GRIK2: variants seen among roughly 807,000 people sequenced by gnomAD.
The protein encoded by GRIK2 is glutamate ionotropic receptor kainate type subunit 2, also known as glutamate receptor ionotropic, kainate 2.
In GRIK2, 32 loss-of-function variants were observed where a neutral mutation model predicts 100.3. The ratio of observed to expected loss-of-function variants is 0.32; its 90% CI spans 0.24 to 0.43. The LOEUF (loss-of-function observed/expected upper bound fraction) is 0.43. Among genes scored for constraint, GRIK2 ranks in the 20% least tolerant of loss-of-function variants. The pLI is 1.00. For synonymous variants in GRIK2, 417 were observed against 389.4 expected, an observed-to-expected ratio of 1.07 and a Z score of -0.83; for missense variants, 843 against 1,114.9, an observed-to-expected ratio of 0.76 and a Z score of 3.47.
intron 2 of GRIK2, among the ~76,000 whole-genome samples, chr6:101,494,049 A>C (rs962576182): frequency 6.8e-6 from 1 of 146,192 alleles, no homozygotes; most frequent in Admixed American, 7.0e-5. Flanking sequence ...TATATAAAAT[A>C]TATATGATAT....
intron 4 of GRIK2, among the ~76,000 whole-genome samples, chr6:101,658,630 C>G (rs140820822): frequency 3.8e-4 from 57 of 151,768 alleles, no homozygotes; most frequent in African/African-American, 1.2e-3. Flanking sequence ...AATCACCACT[C>G]TGTCTTCCAC....
intron 4 of GRIK2, among the ~76,000 whole-genome samples, chr6:101,653,389 C>A (rs1781903902): frequency 6.6e-6 from 1 of 151,980 alleles, no homozygotes; most frequent in Non-Finnish European, 1.5e-5. Flanking sequence ...ACTCCTCACC[C>A]CCACCCTGCG....
intron 7 of GRIK2, among the ~76,000 whole-genome samples, chr6:101,724,358 C>T (rs1774709399): frequency 6.6e-6 from 1 of 151,832 alleles, no homozygotes; most frequent in African/African-American, 2.4e-5. Flanking sequence ...TCTTCCCCTT[C>T]TGGTAGTTTC....
At chr6:101,779,962 T>A (rs1433713312) in intron 7 of GRIK2, among the ~76,000 whole-genome samples, 1 of 152,202 alleles carries the variant, frequency 6.6e-6, no homozygotes, top group Non-Finnish European at 1.5e-5. Context: ...CAACCCCTGC[T>A]TAGCTTTTGT....
chr6:101,975,937 A>T (rs1254149125), intron 14 of GRIK2, among the ~76,000 whole-genome samples: 3 of 151,938 alleles, frequency 2.0e-5, no homozygotes, highest in Non-Finnish European at 4.4e-5. Flanking sequence ...GAAGAGATTT[A>T]AAAACTATAA....
chr6:101,428,846 A>C (rs754212710), intron 2 of GRIK2, among the ~76,000 whole-genome samples: 1 of 152,150 alleles, frequency 6.6e-6, no homozygotes, highest in Non-Finnish European at 1.5e-5. Context: ...TTCTGCTCAC[A>C]TCCCTGTCTT....
intron 11 of GRIK2, among the ~76,000 whole-genome samples, chr6:101,883,950 G>A (rs1366414810): frequency 1.3e-5 from 2 of 152,146 alleles, no homozygotes; most frequent in African/African-American, 4.8e-5. Flanking sequence ...AATCTGGTAT[G>A]TGTTTTAGAA....
intron 12 of GRIK2, among the ~76,000 whole-genome samples, chr6:101,891,210 T>A (rs1438281255): frequency 6.6e-6 from 1 of 152,068 alleles, no homozygotes; most frequent in East Asian, 1.9e-4. Context: ...AAAATTGATT[T>A]AAATCAATTA....
intron 14 of GRIK2, among the ~76,000 whole-genome samples, chr6:102,031,127 A>C (rs1441964442): frequency 1.6e-4 from 9 of 57,752 alleles, no homozygotes; most frequent in East Asian, 4.9e-4. Context: ...ACACACACAC[A>C]CCCCCTTTGA....
intron 1 of GRIK2, among the ~76,000 whole-genome samples, chr6:101,396,564 C>T (rs889806411): frequency 3.9e-5 from 6 of 152,060 alleles, no homozygotes; most frequent in Non-Finnish European, 1.5e-5. Flanking sequence ...CAAGCAATTG[C>T]ACTGAAAAAT....
At chr6:101,940,851 A>G (rs1310800623) in intron 14 of GRIK2, among the ~76,000 whole-genome samples, 2 of 152,202 alleles carry the variant, frequency 1.3e-5, no homozygotes, top group African/African-American at 2.4e-5. Flanking sequence ...GAGGAGTAAA[A>G]TATGAAATTT....
At chr6:101,726,661 A>G (rs1774892131) in intron 7 of GRIK2, among the ~76,000 whole-genome samples, 1 of 152,062 alleles carries the variant, frequency 6.6e-6, no homozygotes, top group Non-Finnish European at 1.5e-5. Flanking sequence ...ATATTTGAAC[A>G]ATGTATATTA....
intron 14 of GRIK2, among the ~76,000 whole-genome samples, chr6:102,027,253 G>T (rs1401435364): frequency 6.6e-6 from 1 of 151,172 alleles, no homozygotes; most frequent in Non-Finnish European, 1.5e-5. Flanking sequence ...AATTTACATT[G>T]TTAATTTTAA....
chr6:101,760,597 A>G (rs1777519816), intron 7 of GRIK2, among the ~76,000 whole-genome samples: 3 of 94,208 alleles, frequency 3.2e-5, no homozygotes, highest in South Asian at 6.4e-4. Flanking sequence ...ATTATATATA[A>G]TTATATATAA....
chr6:101,929,653 G>A (rs6931111), intron 14 of GRIK2, among the ~76,000 whole-genome samples: 1,988 of 152,010 alleles, frequency 0.013, 50 homozygotes, highest in African/African-American at 0.046. Context: ...ACTGAATTTG[G>A]TTTTATGTGA....
In GRIK2 at chr6:102,068,378, TGAG is replaced by T. The variant is rs1473665239; in HGVS notation, c.2597_2599del (p.Arg866del). On this transcript the variant is annotated inframe_deletion, in exon 17 of 17. Coordinates refer to ENST00000369134, the MANE Select transcript of GRIK2 (RefSeq NM_021956.5). ...TTCTGTAGTGCCATGGTAGAAGAAT[TGAG>T]GATGTCCCTGAAGTGCCAGCGTCGG... 4 of 1,611,720 alleles carry T rather than the reference TGAG, an allele frequency of 2.5e-6. No homozygotes were observed. The East Asian group carries it at 8.9e-5, about 36-fold the overall frequency.
At chr6:101,952,879 A>G (rs1791689929) in intron 14 of GRIK2, among the ~76,000 whole-genome samples, 1 of 152,138 alleles carries the variant, frequency 6.6e-6, no homozygotes, top group African/African-American at 2.4e-5. Context: ...CACCACAATA[A>G]TTTTTAAAAC....
intron 2 of GRIK2, among the ~76,000 whole-genome samples, chr6:101,453,079 A>T (rs995021914): frequency 6.6e-6 from 1 of 151,926 alleles, no homozygotes; most frequent in Non-Finnish European, 1.5e-5. Flanking sequence ...TACATATTAA[A>T]GTTTTCAAAA....
intron 2 of GRIK2, among the ~76,000 whole-genome samples, chr6:101,459,200 T>G (rs1771168192): frequency 6.6e-6 from 1 of 152,144 alleles, no homozygotes; most frequent in Non-Finnish European, 1.5e-5. Flanking sequence ...CTAGCCTAAT[T>G]TGGCAGATTC....
Sources: allele counts gnomAD v4.1 joint callset (sites outside exome capture counted in the v4.1 genomes callset), GRCh38; gene constraint gnomAD v4.1.1; transcripts MANE v1.5; gene names NCBI Gene and HGNC (gene_info 2026-07-23, HGNC 2026-07-21).